The following CNTN5 variants were observed in gnomAD, a reference collection of about 807,000 sequenced individuals.
The protein encoded by CNTN5 is contactin 5.
In CNTN5, 77 loss-of-function variants were observed where a neutral mutation model predicts 129.1. That is an observed-to-expected ratio of 0.60 (90% confidence interval 0.50 to 0.72). CNTN5 has a LOEUF of 0.72. Ranked by LOEUF, CNTN5 falls within the 30% of genes least tolerant of loss-of-function variation. The probability of loss-of-function intolerance (pLI) is 0.00; values close to 1 mark genes in which losing one functional copy is unlikely to be tolerated. For synonymous variants in CNTN5, 509 were observed against 465.6 expected (o/e 1.09, Z -1.20); for missense variants, 1,478 against 1,328.8 (o/e 1.11, Z -1.75).
intron 7 of CNTN5, among the ~76,000 whole-genome samples, chr11:99,921,669 C>T (rs1040730381): frequency 3.3e-5 from 5 of 152,170 alleles, no homozygotes; most frequent in African/African-American, 1.2e-4. Context: ...AATGCAAATT[C>T]TACTAAGACA....
intron 8 of CNTN5, among the ~76,000 whole-genome samples, chr11:99,996,313 A>G (rs1040608337): frequency 2.0e-5 from 3 of 152,142 alleles, no homozygotes; most frequent in African/African-American, 4.8e-5. Context: ...CAGTTTCACT[A>G]TATACATCTC....
chr11:99,225,068 A>G (rs1179486422), intron 1 of CNTN5, among the ~76,000 whole-genome samples: 4 of 152,162 alleles, frequency 2.6e-5, no homozygotes, highest in Non-Finnish European at 5.9e-5. Flanking sequence ...ATATATTTTA[A>G]AAGTTTTATT....
intron 17 of CNTN5, among the ~76,000 whole-genome samples, chr11:100,268,856 T>G (rs1950355316): frequency 6.6e-6 from 1 of 152,194 alleles, no homozygotes; most frequent in African/African-American, 2.4e-5. Context: ...ATACAACATC[T>G]GTAAGAAAGC....
intron 21 of CNTN5, among the ~76,000 whole-genome samples, chr11:100,340,129 G>T (rs1952127923): frequency 6.6e-6 from 1 of 152,132 alleles, no homozygotes; most frequent in Admixed American, 6.5e-5. Context: ...TTGTTCTGAT[G>T]ACCTATGAGA....
chr11:99,190,162 A>G (rs973546887), intron 1 of CNTN5, among the ~76,000 whole-genome samples: 1 of 151,572 alleles, frequency 6.6e-6, no homozygotes, highest in Non-Finnish European at 1.5e-5. Flanking sequence ...GTCCTGTTCC[A>G]TTTTGCACTG....
At chr11:100,061,599 T>C (rs985328314) in intron 10 of CNTN5, among the ~76,000 whole-genome samples, 6 of 152,318 alleles carry the variant, frequency 3.9e-5, no homozygotes, top group African/African-American at 1.4e-4. Flanking sequence ...GAATTATCGG[T>C]GTCTTTGTAC....
intron 2 of CNTN5, among the ~76,000 whole-genome samples, chr11:99,477,946 G>A (rs1945442322): frequency 6.6e-6 from 1 of 151,966 alleles, no homozygotes; most frequent in Admixed American, 6.6e-5. Flanking sequence ...GAATCAGAAT[G>A]TGAATATTAT....
chr11:99,180,793 A>G (rs1399571467), intron 1 of CNTN5, among the ~76,000 whole-genome samples: 1 of 152,226 alleles, frequency 6.6e-6, no homozygotes, highest in Non-Finnish European at 1.5e-5. Flanking sequence ...GAGAATTAGA[A>G]GCACAATTAA....
chr11:100,320,650 C>A (rs10894766), intron 21 of CNTN5, among the ~76,000 whole-genome samples: 18,759 of 151,982 alleles, frequency 0.12, 1,296 homozygotes, highest in East Asian at 0.32. Context: ...GGTCATAGAG[C>A]TTTTCTCTAC....
chr11:99,081,040 T>C (rs986840695), intron 1 of CNTN5, among the ~76,000 whole-genome samples: 4 of 148,694 alleles, frequency 2.7e-5, no homozygotes, highest in Admixed American at 1.4e-4. Flanking sequence ...CTATGGAGTA[T>C]ATGGTAAAAT....
chr11:99,486,640 A>G (rs528946172), intron 2 of CNTN5, among the ~76,000 whole-genome samples: 89 of 152,324 alleles, frequency 5.8e-4, no homozygotes, highest in South Asian at 1.0e-3. Flanking sequence ...CAGTGAAAAT[A>G]AAACCTAAAA....
At chr11:100,319,113 C>CA (rs1341774355) in intron 21 of CNTN5, among the ~76,000 whole-genome samples, 2 of 150,464 alleles carry the variant, frequency 1.3e-5, no homozygotes, top group East Asian at 1.9e-4. Context: ...TTCTTACCCC[C>CA]AAAAAAACAC....
chr11:99,785,783 A>G (rs2845945), intron 3 of CNTN5, among the ~76,000 whole-genome samples: 85,277 of 151,852 alleles, frequency 0.56, 24,636 homozygotes, highest in East Asian at 0.71. Flanking sequence ...ATGTAGAAAA[A>G]GCCTTTGATA....
chr11:99,960,844 T>A (rs1591485058), intron 8 of CNTN5, among the ~76,000 whole-genome samples: 1 of 151,506 alleles, frequency 6.6e-6, no homozygotes, highest in South Asian at 2.1e-4. Context: ...ATTAGGAGGG[T>A]AAATAATGAA....
Position 99,591,241 on chromosome 11 carries a change from T to C in CNTN5, c.55+34972T>C, listed in dbSNP as rs76355295. Reference sequence around the variant, plus strand: ...TTGGACAGCAAATTTAAACCCCTGCTAACACCAGCAGAGCCCATCTCATGA... The same window carrying C: ...TTGGACAGCAAATTTAAACCCCTGCCAACACCAGCAGAGCCCATCTCATGA... On this transcript the variant is annotated intron_variant, in intron 3 of 24. Coordinates refer to ENST00000524871, the MANE Select transcript of CNTN5 (RefSeq NM_014361.4). Among the ~76,000 whole-genome samples the C allele has an allele frequency of 4.3e-3, 652 of 151,850 alleles. 27 individuals are homozygous for C. In the East Asian group the frequency reaches 0.098, roughly 23 times the overall value.
chr11:99,099,693 G>T (rs538651552), intron 1 of CNTN5, among the ~76,000 whole-genome samples: 57 of 151,990 alleles, frequency 3.8e-4, no homozygotes, highest in Non-Finnish European at 7.2e-4. Context: ...TTGAAATTGT[G>T]GTGTCCCAGT....
chr11:100,105,257 A>T (rs900617438), intron 13 of CNTN5, among the ~76,000 whole-genome samples: 1 of 152,268 alleles, frequency 6.6e-6, no homozygotes, highest in Non-Finnish European at 1.5e-5. Context: ...TGTTATTCCT[A>T]TTACATCTCT....
intron 13 of CNTN5, among the ~76,000 whole-genome samples, chr11:100,092,760 C>T (rs538201554): frequency 9.0e-4 from 137 of 151,604 alleles, no homozygotes; most frequent in Non-Finnish European, 1.6e-3. Flanking sequence ...GTCCTCTTTG[C>T]GCATATGTGT....
chr11:100,169,743 TAAG>T (rs901270481), intron 13 of CNTN5, among the ~76,000 whole-genome samples: 1 of 152,022 alleles, frequency 6.6e-6, no homozygotes. Context: ...GCAATAGTTC[TAAG>T]GTGTGCTAGA....
Sources: gnomAD v4.1 joint callset for allele counts (sites outside exome capture counted in the v4.1 genomes callset) on GRCh38, gnomAD v4.1.1 for gene constraint, MANE v1.5 for transcripts, NCBI Gene and HGNC (gene_info 2026-07-23, HGNC 2026-07-21) for gene names.